CD79B: variants seen among roughly 807,000 people sequenced by gnomAD.
CD79B encodes the protein B-cell antigen receptor complex-associated protein beta chain.
Under a neutral mutation model 30.0 loss-of-function variants are expected in CD79B, and 7 were observed. The ratio of observed to expected loss-of-function variants is 0.23; its 90% CI spans 0.13 to 0.44. The LOEUF (loss-of-function observed/expected upper bound fraction) is 0.44. Among genes scored for constraint, CD79B ranks in the 20% least tolerant of loss-of-function variants. CD79B has a pLI of 1.00. For missense variants in CD79B, 218 were observed against 299.1 expected (o/e 0.73, Z 2.00); for synonymous variants, 118 against 119.2 (o/e 0.99, Z 0.07).
chr17:63,931,230 G>T, intron 2 of CD79B, 105 bp downstream of exon 2: 1 of 1,129,844 alleles, frequency 8.9e-7, no homozygotes, highest in Non-Finnish European at 1.3e-6. Flanking sequence ...GGGGAGATCA[G>T]GCAAGGGTGG....
intron 4 of CD79B, 70 bp downstream of exon 4, chr17:63,929,700 C>G: frequency 2.6e-6 from 3 of 1,151,578 alleles, no homozygotes; most frequent in Non-Finnish European, 3.9e-6. Context: ...AGATGGAGAC[C>G]CTGCATATGC....
In CD79B at chr17:63,931,390, T is replaced by G. The variant is rs943927329; in HGVS notation, c.68-5A>C. 1.2e-6 allele frequency: 2 copies of G among 1,613,914 alleles called. No homozygotes were observed. Among genetic ancestry groups the G allele is most frequent in the South Asian group, 2.2e-5 (2 of 91,082 alleles). The stretch of plus-strand genomic sequence containing the variant: ...TGGCTGCTGGTACTGGCTCAGCTGC[T>G]GGGTGGGAGGAAGTGGGCGGGGCCA... On this transcript the variant is annotated splice_polypyrimidine_tract_variant and splice_region_variant and intron_variant, in intron 1 of 5. Coordinates refer to ENST00000006750, the MANE Select transcript of CD79B (RefSeq NM_000626.4).
In CD79B at chr17:63,931,403, G is replaced by A; in HGVS notation, c.68-18C>T. ...TGGCTCAGCTGCTGGGTGGGAGGAA[G>A]TGGGCGGGGCCAGTCAGGGCCTCCT... On this transcript the variant is annotated intron_variant, in intron 1 of 5. Coordinates refer to ENST00000006750, the MANE Select transcript of CD79B (RefSeq NM_000626.4). 2 of 1,613,862 alleles carry A rather than the reference G, an allele frequency of 1.2e-6. No individual in the cohort carries two copies. Among genetic ancestry groups the A allele is most frequent in the South Asian group, 2.2e-5 (2 of 91,078 alleles).
chr17:63,932,111 T>G (rs1598401574), intron 1 of CD79B, 84 bp downstream of exon 1: 4 of 1,187,592 alleles, frequency 3.4e-6, no homozygotes, highest in South Asian at 1.2e-5. Flanking sequence ...AGGAGGAGGG[T>G]GGAGCAAGCA....
chr17:63,931,814 G>C (rs369172529), intron 1 of CD79B: 2 of 406,204 alleles, frequency 4.9e-6, no homozygotes, highest in Admixed American at 3.7e-5. Flanking sequence ...CCCAGAGGAG[G>C]GGACCACATT....
At chr17:63,931,880 A>G (rs1347577755) in intron 1 of CD79B, 3 of 475,506 alleles carry the variant, frequency 6.3e-6, no homozygotes, top group African/African-American at 3.9e-5. Flanking sequence ...CCCGACCCCC[A>G]GGCACCGCCC....
At position 63,932,162 on chromosome 17, in the gene CD79B, C is replaced by G. The variant is rs199818553; in HGVS notation, c.67+33G>C. 1.1e-4 allele frequency: 171 copies of G among 1,600,754 alleles called. No homozygotes were observed. In the African/African-American group the frequency reaches 2.1e-3, roughly 19 times the overall value. ...GGGCCCAGACAGCTGGAGATGAGAGCAAACCCCACAGGCCTCGTCGTGGGT... is the reference window on the plus strand; with the variant it reads ...GGGCCCAGACAGCTGGAGATGAGAGGAAACCCCACAGGCCTCGTCGTGGGT... On this transcript the variant is annotated intron_variant, in intron 1 of 5. Coordinates refer to ENST00000006750, the MANE Select transcript of CD79B (RefSeq NM_000626.4).
rs1399744913 is a variant in CD79B at position 63,932,307 on chromosome 17, G to T, written c.-46C>A. The T allele has an allele frequency of 3.8e-6, 6 of 1,569,294 alleles. No individual in the cohort carries two copies. The highest frequency in any genetic ancestry group is 1.3e-5 in the African/African-American group (1 of 74,174). ...CCCCAAACCCGTGACAACGTCCGAG[G>T]CTCCTTGGAGGAAAACGTGTAACTG... On this transcript the variant is annotated 5_prime_UTR_variant, in exon 1 of 6. Coordinates refer to ENST00000006750, the MANE Select transcript of CD79B (RefSeq NM_000626.4).
intron 4 of CD79B, 72 bp from the exon 5 acceptor site, chr17:63,929,547 G>T: frequency 6.5e-7 from 1 of 1,532,010 alleles, no homozygotes; most frequent in Non-Finnish European, 9.0e-7. Context: ...GCCAGGCTGG[G>T]GAGGGCCAGG....
Position 63,929,195 on chromosome 17 carries a change from C to A in CD79B, c.*31G>T. On this transcript the variant is annotated 3_prime_UTR_variant, in exon 6 of 6. Coordinates refer to ENST00000006750, the MANE Select transcript of CD79B (RefSeq NM_000626.4). Reference sequence around the variant, plus strand: ...CGAAGCAGTCACTGAGGCCAGGGAGCCTGCACCCAGGTCATGGGGCGACCT... The same window carrying A: ...CGAAGCAGTCACTGAGGCCAGGGAGACTGCACCCAGGTCATGGGGCGACCT... The A allele has an allele frequency of 7.0e-7, 1 of 1,429,758 alleles. No individual in the cohort carries two copies. The highest frequency in any genetic ancestry group is 1.1e-5 in the South Asian group (1 of 87,526). The allele number at this position is 1,429,758 out of a possible 1,614,324, so 88.6% of individuals were successfully genotyped here.
Position 63,929,418 on chromosome 17 carries a change from C to T in CD79B, c.591+16G>A, listed in dbSNP as rs766547831. On this transcript the variant is annotated intron_variant, in intron 5 of 5. Transcript: ENST00000006750. ...CCCCGAGGACTCAGAGCTGCTGGGCCTGCCCCTCTCCTTACCTCGTAGGTG... is the reference window on the plus strand; with the variant it reads ...CCCCGAGGACTCAGAGCTGCTGGGCTTGCCCCTCTCCTTACCTCGTAGGTG... 9.3e-6 allele frequency: 15 copies of T among 1,613,920 alleles called. No individual in the cohort carries two copies. In the Admixed American group the frequency reaches 1.3e-4, roughly 14 times the overall value.
chr17:63,932,234 G>A lies in CD79B; in HGVS notation c.28C>T (p.Pro10Ser). 1 of 1,613,056 alleles carries A rather than the reference G, an allele frequency of 6.2e-7. No homozygotes were observed. The highest frequency in any genetic ancestry group is 8.5e-7 in the Non-Finnish European group (1 of 1,179,988). MARLALSPV[P>S]SHWMVALLLL... ...AGCAACGCCACCATCCAGTGGCTGG[G>A]CACAGGAGACAACGCCAGCCTGGCC... Residue 10 changes from proline to serine, a missense_variant, in exon 1 of 6, where the codon CCC becomes TCC. Physicochemically the swap from Pro to Ser is moderately conservative, Grantham distance 74 (BLOSUM62 -1). Coordinates refer to ENST00000006750, the MANE Select transcript of CD79B (RefSeq NM_000626.4).
Position 63,930,326 on chromosome 17 carries a change from T to C in CD79B, c.178A>G (p.Thr60Ala). 1.2e-6 allele frequency: 2 copies of C among 1,614,158 alleles called. No individual in the cohort carries two copies. The highest frequency in any genetic ancestry group is 1.7e-6 in the Non-Finnish European group (2 of 1,180,020). ...PRFIARKRGF[T>A]VKMHCYMNSA... ...TTCATGTAGCAGTGCATTTTCACCG[T>C]GAAGCCCCGTTTCCTGGCTATGAAA... Residue 60 changes from threonine (T) to alanine (A), a missense_variant, in exon 3 of 6, where the codon ACG becomes GCG. Physicochemically the swap from Thr to Ala is moderately conservative, Grantham distance 58. Coordinates refer to ENST00000006750, the MANE Select transcript of CD79B (RefSeq NM_000626.4).
chr17:63,930,643 G>A (rs1908069492), intron 2 of CD79B: 1 of 567,430 alleles, frequency 1.8e-6, no homozygotes, highest in African/African-American at 1.9e-5. Context: ...TTTTCCTTTG[G>A]AAGAGCCCTG....
rs866651318 is a variant in CD79B, at chr17:63,929,459, C to T, written c.566G>A (p.Gly189Asp). The part of the protein sequence containing the change: ...LLLDKDDSKA[G>D]MEEDHTYEGL... ...CTCGTAGGTGTGATCTTCCTCCATGCCAGCCTTGCTGTCATCCTGGGGGCG... is the reference window on the plus strand; with the variant it reads ...CTCGTAGGTGTGATCTTCCTCCATGTCAGCCTTGCTGTCATCCTGGGGGCG... Residue 189 changes from glycine to aspartate, a missense_variant, in exon 5 of 6, where the codon GGC becomes GAC. Coordinates refer to ENST00000006750, the MANE Select transcript of CD79B (RefSeq NM_000626.4). 1 of 1,613,910 alleles carries T rather than the reference C, an allele frequency of 6.2e-7. No homozygotes were observed. Among genetic ancestry groups the T allele is most frequent in the Non-Finnish European group, 8.5e-7 (1 of 1,180,010 alleles).
chr17:63,931,292 C>A (rs1371859122), intron 2 of CD79B, 43 bp downstream of exon 2: 14 of 1,598,284 alleles, frequency 8.8e-6, no homozygotes, highest in Non-Finnish European at 1.2e-5. Flanking sequence ...AGGACATAGT[C>A]GCACACAACT....
chr17:63,931,348 G>T lies in CD79B; in HGVS notation c.105C>A (p.Tyr35Ter). Residue 35 changes from tyrosine to a stop codon, truncating the protein, a stop_gained, in exon 2 of 6, where the codon TAC (tyrosine) becomes TAA (stop). Coordinates refer to ENST00000006750, the MANE Select transcript of CD79B (RefSeq NM_000626.4). LOFTEE classifies it high-confidence loss of function. ...PVPAARSEDR[Y>*]RNPKGSACSR... ...GAGGCTACTGACCTTTGGGATTCCG[G>T]TACCGGTCCTCCGATCTGGCTGCTG... 1 of 1,614,056 alleles carries T rather than the reference G, an allele frequency of 6.2e-7. No homozygotes were observed. The highest frequency in any genetic ancestry group is 8.5e-7 in the Non-Finnish European group (1 of 1,180,020).
chr17:63,929,508 T>G, intron 4 of CD79B, 33 bp from the exon 5 acceptor site: 1 of 1,612,432 alleles, frequency 6.2e-7, no homozygotes, highest in Non-Finnish European at 8.5e-7. Context: ...ATCAGAGTGT[T>G]AGTGTCCCCC....
At chr17:63,930,039 C>G (rs561665763) in intron 3 of CD79B, 35 bp downstream of exon 3, 2 of 1,609,470 alleles carry the variant, frequency 1.2e-6, no homozygotes, top group East Asian at 2.2e-5. Context: ...GTGGGGCGGA[C>G]AGCTACAGGA....
Sources: gnomAD v4.1 joint callset for allele counts on GRCh38, gnomAD v4.1.1 for gene constraint, MANE v1.5 for transcripts, NCBI Gene and HGNC (gene_info 2026-07-23, HGNC 2026-07-21) for gene names.